The following MIF4GD variants were observed in gnomAD, a reference collection of about 807,000 sequenced individuals.
The protein encoded by MIF4GD is MIF4G domain-containing protein.
In MIF4GD, 22 loss-of-function variants were observed where a neutral mutation model predicts 26.7. That is an observed-to-expected ratio of 0.82 (90% confidence interval 0.59 to 1.18). The LOEUF is 1.18. Ranked by LOEUF, MIF4GD falls within the 50% of genes most tolerant of loss-of-function variation. MIF4GD has a pLI of 0.00. For synonymous variants in MIF4GD, 137 were observed against 111.6 expected (o/e 1.23, Z -1.43); for missense variants, 262 against 279.6 (o/e 0.94, Z 0.45).
rs1265195204 is a variant in MIF4GD, at chr17:75,270,965, C to T, written c.-51+179G>A. ...TACTGGGGGGCAGGATGATGCGCCC[C>T]GGAGAGGTGGCTCCCGCCGGAGGCT... On this transcript the variant is annotated intron_variant, in intron 1 of 5. Transcript: ENST00000325102. The surrounding 1 kb of genome is among the most constrained non-coding windows in gnomAD (Gnocchi z 5.7). 1 of 152,240 alleles carries T rather than the reference C, an allele frequency of 6.6e-6. No individual in the cohort carries two copies. The allele number at this position is 152,240 out of a possible 1,614,324, so 9.4% of individuals were successfully genotyped here.
intron 5 of MIF4GD, 50 bp downstream of exon 5, chr17:75,267,488 C>T: frequency 6.4e-7 from 1 of 1,570,424 alleles, no homozygotes; most frequent in East Asian, 2.2e-5. Context: ...CTGAGCTGGA[C>T]TGTCCATCCT....
rs1272786216 is a variant in MIF4GD at position 75,267,105 on chromosome 17, C to G, written c.442-138G>C. The G allele has an allele frequency of 5.6e-6, 4 of 717,424 alleles. No individual in the cohort carries two copies. The East Asian group carries it at 1.1e-4, about 19-fold the overall frequency. The allele number at this position is 717,424 out of a possible 1,614,324, so 44.4% of individuals were successfully genotyped here. The stretch of plus-strand genomic sequence containing the variant: ...CCTCCTTACCATCCAGTGGGTACTT[C>G]CACATCTTACACAGAAAGAAATGAG... On this transcript the variant is annotated intron_variant, in intron 5 of 5. Transcript: ENST00000325102.
chr17:75,267,976 T>C, intron 3 of MIF4GD, 75 bp from the exon 4 acceptor site: 9 of 1,600,748 alleles, frequency 5.6e-6, no homozygotes, highest in African/African-American at 5.3e-5. Flanking sequence ...TGCCTCTCTC[T>C]CTCTTTGAGC....
intron 4 of MIF4GD, 41 bp downstream of exon 4, chr17:75,267,705 C>T (rs2077548637): frequency 6.2e-7 from 1 of 1,611,862 alleles, no homozygotes; most frequent in Non-Finnish European, 8.5e-7. Flanking sequence ...CCTCAGGAAA[C>T]AGGCCATGTC....
intron 2 of MIF4GD, 22 bp from the exon 3 acceptor site, chr17:75,268,214 G>A: frequency 6.3e-7 from 1 of 1,582,020 alleles, no homozygotes; most frequent in Non-Finnish European, 8.7e-7. Flanking sequence ...GATAGGAGGG[G>A]AGTCTAGAGC....
chr17:75,267,554 A>G lies in MIF4GD; in HGVS notation c.425T>C (p.Leu142Ser). 2 of 1,614,150 alleles carry G rather than the reference A, an allele frequency of 1.2e-6. No homozygotes were observed. Among genetic ancestry groups the G allele is most frequent in the Non-Finnish European group, 1.7e-6 (2 of 1,180,000 alleles). ...CLFRLAQPDS[L>S]SKEEEVDCLV... ...GCCACCCACCTCCTCCTCCTTGCTCAAACTGTCTGGCTGGGCCAGCCGGAA... is the reference window on the plus strand; with the variant it reads ...GCCACCCACCTCCTCCTCCTTGCTCGAACTGTCTGGCTGGGCCAGCCGGAA... Residue 142 changes from leucine to serine, a missense_variant, in exon 5 of 6, where the codon TTG becomes TCG. Coordinates refer to ENST00000325102, the MANE Select transcript of MIF4GD (RefSeq NM_001370592.1).
chr17:75,268,291 T>C, intron 2 of MIF4GD, 99 bp from the exon 3 acceptor site: 1 of 894,866 alleles, frequency 1.1e-6, no homozygotes, highest in East Asian at 2.5e-5. Flanking sequence ...AGAGCACTCA[T>C]ATGCTTGAAG....
chr17:75,269,391 T>C, intron 2 of MIF4GD: 3 of 1,614,064 alleles, frequency 1.9e-6, no homozygotes, highest in Non-Finnish European at 2.5e-6. Context: ...GCGAGAGCAA[T>C]TACTATAGCT....
At position 75,268,164 on chromosome 17, in the gene MIF4GD, C is replaced by A; in HGVS notation, c.111G>T (p.Val37=). The change falls in exon 3 of 6, where the codon GTG becomes GTT. Residue 37 remains valine (V), a synonymous_variant. Transcript: ENST00000325102. ...GAGAATGGTCCACAATCACATTGGCCACTTTCTCCAAGTCCACAGCACCCG... is the reference window on the plus strand; with the variant it reads ...GAGAATGGTCCACAATCACATTGGCAACTTTCTCCAAGTCCACAGCACCCG... ...KDPGAVDLEK[V]ANVIVDHSLQ... is the part of the protein sequence containing the mutation. The A allele has an allele frequency of 6.2e-7, 1 of 1,614,246 alleles. No homozygotes were observed. Among genetic ancestry groups the A allele is most frequent in the South Asian group, 1.1e-5 (1 of 91,088 alleles).
In MIF4GD at chr17:75,270,217, C is replaced by A. The variant is rs1407037808; in HGVS notation, c.-22G>T. 17 of 1,597,014 alleles carry A rather than the reference C, an allele frequency of 1.1e-5. No homozygotes were observed. Among genetic ancestry groups the A allele is most frequent in the Non-Finnish European group, 1.4e-5 (16 of 1,164,510 alleles). On this transcript the variant is annotated 5_prime_UTR_variant, in exon 2 of 6. Coordinates refer to ENST00000325102, the MANE Select transcript of MIF4GD (RefSeq NM_001370592.1). The surrounding 1 kb of genome is among the most constrained non-coding windows in gnomAD (Gnocchi z 5.7). ...CCATGACTAGCCAGCCCCGGTAGCT[C>A]TTGACTGGGCTGGGAATAAGGACAG...
Position 75,268,075 on chromosome 17 carries a change from C to A in MIF4GD, c.192+8G>T. On this transcript the variant is annotated splice_region_variant and intron_variant, in intron 3 of 5. Coordinates refer to ENST00000325102, the MANE Select transcript of MIF4GD (RefSeq NM_001370592.1). ...AAAGCAGCTTCCTTTCCTCTCCCAA[C>A]CCCCAACCTGAATGATGGCGTAGCA... 6.2e-7 allele frequency: 1 copy of A among 1,613,688 alleles called. No homozygotes were observed. The highest frequency in any genetic ancestry group is 1.7e-4 in the Middle Eastern group (1 of 6,060).
intron 5 of MIF4GD, 99 bp downstream of exon 5, chr17:75,267,439 G>T: frequency 8.3e-7 from 1 of 1,200,604 alleles, no homozygotes; most frequent in Non-Finnish European, 1.2e-6. Context: ...AAGTGACACA[G>T]TCCTCAGAGA....
intron 2 of MIF4GD, among the ~76,000 whole-genome samples, chr17:75,269,737 C>CTTTTTTTTTTTT (rs796368431): frequency 3.9e-5 from 4 of 103,740 alleles, no homozygotes; most frequent in South Asian, 3.2e-4. Context: ...TTTTTCTTTT[C>CTTTTTTTTTTTT]TTTCTTTTTT....
Position 75,267,901 on chromosome 17 carries a change from C to G in MIF4GD, c.193G>C (p.Ala65Pro), listed in dbSNP as rs1567822576. 6.2e-7 allele frequency: 1 copy of G among 1,610,932 alleles called. No individual in the cohort carries two copies. The highest frequency in any genetic ancestry group is 8.5e-7 in the Non-Finnish European group (1 of 1,178,664). ...AGRMCYAIIQ[A>P]ESKQAGQSVF... Reference sequence around the variant, plus strand: ...CTCTGGCCTGCTTGTTTACTCTCTGCCTGTGAGCCAGGGAGAGGAAGGTGA... The same window carrying G: ...CTCTGGCCTGCTTGTTTACTCTCTGGCTGTGAGCCAGGGAGAGGAAGGTGA... Residue 65 changes from alanine to proline, a missense_variant and splice_region_variant, in exon 4 of 6, where the codon GCA becomes CCA. Ala to Pro is a conservative substitution (Grantham distance 27). Transcript: ENST00000325102.
In MIF4GD at chr17:75,267,783, T is replaced by C. The variant is rs148422968; in HGVS notation, c.311A>G (p.Tyr104Cys). Residue 104 changes from tyrosine (Y) to cysteine (C), a missense_variant, in exon 4 of 6, where the codon TAT becomes TGT. By Grantham distance (194) the Tyr-to-Cys change is radical. Coordinates refer to ENST00000325102, the MANE Select transcript of MIF4GD (RefSeq NM_001370592.1). ...AAAGATGTTGCAGATAAAGGTGACA[T>C]AGCAGACCCAGCCCTGCAGGGAGCG... ...RARSLQGWVCYVTFICNIFDY... is the reference protein window; with the variant it reads ...RARSLQGWVCCVTFICNIFDY... 20 of 1,613,834 alleles carry C rather than the reference T, an allele frequency of 1.2e-5. No homozygotes were observed. In the African/African-American group the frequency reaches 1.5e-4, roughly 12 times the overall value.
chr17:75,267,206 C>G (rs1405350197), intron 5 of MIF4GD, among the ~76,000 whole-genome samples: 1 of 152,252 alleles, frequency 6.6e-6, no homozygotes, highest in East Asian at 1.9e-4. Flanking sequence ...CTTCATCCCA[C>G]TCTCCTGCCT....
chr17:75,268,228 T>C (rs751110859), intron 2 of MIF4GD, 36 bp from the exon 3 acceptor site: 5 of 1,515,866 alleles, frequency 3.3e-6, no homozygotes, highest in South Asian at 2.2e-5. Flanking sequence ...CTAGAGCTGC[T>C]GCTTTATCAC....
In MIF4GD at chr17:75,267,826, G is replaced by A. The variant is rs965190458; in HGVS notation, c.268C>T (p.Arg90Trp). The change falls in exon 4 of 6, where the codon CGG becomes TGG. Residue 90 changes from arginine (R) to tryptophan (W), a missense_variant. Transcript: ENST00000325102. Reference sequence around the variant, plus strand: ...AGGGAGCGTGCTCGCAGCTGCTCCCGAGCCTGGTACTCCTGCTGCAGCCGG... The same window carrying A: ...AGGGAGCGTGCTCGCAGCTGCTCCCAAGCCTGGTACTCCTGCTGCAGCCGG... ...LNRLQQEYQAREQLRARSLQG... is the reference protein window; with the variant it reads ...LNRLQQEYQAWEQLRARSLQG... 67 of 1,613,914 alleles carry A rather than the reference G, an allele frequency of 4.2e-5. No homozygotes were observed. Among genetic ancestry groups the A allele is most frequent in the Non-Finnish European group, 4.9e-5 (58 of 1,180,032 alleles).
Position 75,270,427 on chromosome 17 carries a change from G to C in MIF4GD, c.-50-182C>G. 1 of 540,636 alleles carries C rather than the reference G, an allele frequency of 1.8e-6. No individual in the cohort carries two copies. Among genetic ancestry groups the C allele is most frequent in the Non-Finnish European group, 3.3e-6 (1 of 298,790 alleles). The allele number at this position is 540,636 out of a possible 1,614,324, so 33.5% of individuals were successfully genotyped here. On this transcript the variant is annotated intron_variant, in intron 1 of 5. Transcript: ENST00000325102. The surrounding 1 kb of genome is among the most constrained non-coding windows in gnomAD (Gnocchi z 5.7). ...TCTGGTGGGGACTGGGCATCAGCCA[G>C]GCACCTGCTGCTCAGTTTAGAAATC...
Sources: allele counts gnomAD v4.1 joint callset (sites outside exome capture counted in the v4.1 genomes callset), GRCh38; gene constraint gnomAD v4.1.1; non-coding constraint Gnocchi (gnomAD v3.1); transcripts MANE v1.5; gene names NCBI Gene and HGNC (gene_info 2026-07-23, HGNC 2026-07-21).